The following SGK1 variants were observed in gnomAD, a reference collection of about 807,000 sequenced individuals.
SGK1 encodes serine/threonine-protein kinase Sgk1.
In SGK1, 26 loss-of-function variants were observed where a neutral mutation model predicts 64.2. The observed-to-expected ratio is 0.40, with a 90% CI of 0.30 to 0.56. The LOEUF is 0.56. Ranked by LOEUF, SGK1 falls within the 20% of genes least tolerant of loss-of-function variation. SGK1 has a pLI of 0.38. For missense variants in SGK1, 519 were observed against 645.6 expected (o/e 0.80, Z 2.12); for synonymous variants, 265 against 239.7 (o/e 1.11, Z -0.98).
chr6:134,218,133 TC>T (rs1776016445), intron 2 of SGK1, among the ~76,000 whole-genome samples: 1 of 152,130 alleles, frequency 6.6e-6, no homozygotes, highest in African/African-American at 2.4e-5. Flanking sequence ...TTTTATTAAT[TC>T]CCCCCTTGCA....
At chr6:134,220,783 A>G (rs1776077816) in intron 2 of SGK1, among the ~76,000 whole-genome samples, 1 of 152,156 alleles carries the variant, frequency 6.6e-6, no homozygotes, top group Non-Finnish European at 1.5e-5. Context: ...ATTTTTTGAT[A>G]GAAGCCTGGC....
chr6:134,303,051 A>G (rs1436488754), intron 1 of SGK1, among the ~76,000 whole-genome samples: 1 of 152,018 alleles, frequency 6.6e-6, no homozygotes. Context: ...CACCGTGCCC[A>G]GCCTGAGGTA....
At chr6:134,293,191 T>C (rs1415677689) in intron 1 of SGK1, among the ~76,000 whole-genome samples, 1 of 152,218 alleles carries the variant, frequency 6.6e-6, no homozygotes, top group Non-Finnish European at 1.5e-5. Context: ...TGTACAAATC[T>C]CACTATTACA....
At chr6:134,176,988 G>C (rs1775250191) in intron 3 of SGK1, among the ~76,000 whole-genome samples, 1 of 152,240 alleles carries the variant, frequency 6.6e-6, no homozygotes, top group South Asian at 2.1e-4. Flanking sequence ...GGCCAAGGCG[G>C]GCGGATCACG....
At chr6:134,256,340 G>A (rs1776683699) in intron 2 of SGK1, among the ~76,000 whole-genome samples, 1 of 151,998 alleles carries the variant, frequency 6.6e-6, no homozygotes, top group South Asian at 2.1e-4. Context: ...TTGTCTTCTA[G>A]CACAATTATA....
In SGK1 at chr6:134,262,017, T is replaced by C. The variant is rs368369372; in HGVS notation, c.201A>G (p.Thr67=). The C allele has an allele frequency of 6.2e-7, 1 of 1,613,918 alleles. No individual in the cohort carries two copies. The highest frequency in any genetic ancestry group is 1.1e-5 in the South Asian group (1 of 91,076). The change falls in exon 2 of 14, where the codon ACA becomes ACG. Residue 67 remains threonine (T), a synonymous_variant. Coordinates refer to ENST00000367858, the MANE Select transcript of SGK1 (RefSeq NM_001143676.3). The part of the protein sequence containing the change: ...EPDFESSLCQ[T]CLGEHAFQRG... ...TTTGGAAAGCATGTTCACCCAGGCA[T>C]GTTTGACACAAGGAAGACTCGAAGT...
chr6:134,220,131 TA>T (rs986764838), intron 2 of SGK1, among the ~76,000 whole-genome samples: 1 of 146,074 alleles, frequency 6.8e-6, no homozygotes, highest in African/African-American at 2.6e-5. Context: ...AATTATTAAG[TA>T]AAAATTATTT....
chr6:134,215,043 A>C (rs890716929), intron 2 of SGK1: 2 of 455,528 alleles, frequency 4.4e-6, no homozygotes, highest in Non-Finnish European at 8.8e-6. Context: ...GGGGTGTATG[A>C]GAATATCACA....
chr6:134,256,323 G>T (rs1776683367), intron 2 of SGK1, among the ~76,000 whole-genome samples: 2 of 151,864 alleles, frequency 1.3e-5, no homozygotes, highest in Non-Finnish European at 2.9e-5. Flanking sequence ...CTACACAATG[G>T]TATACTTTGT....
intron 2 of SGK1, among the ~76,000 whole-genome samples, chr6:134,208,781 T>G (rs1326476913): frequency 2.3e-4 from 35 of 150,560 alleles, no homozygotes; most frequent in Non-Finnish European, 4.1e-4. Context: ...TGTGTATATA[T>G]AGATATACAC....
chr6:134,181,629 G>A (rs1775332526), intron 3 of SGK1, among the ~76,000 whole-genome samples: 1 of 151,876 alleles, frequency 6.6e-6, no homozygotes, highest in African/African-American at 2.4e-5. Context: ...ACAGGCATAA[G>A]CCACCATGCC....
intron 3 of SGK1, chr6:134,174,879 G>A: frequency 6.2e-7 from 1 of 1,604,234 alleles, no homozygotes; most frequent in Non-Finnish European, 8.5e-7. Flanking sequence ...CAGGCCGCGC[G>A]CTCGGCCTTA....
Position 134,247,021 on chromosome 6 carries a change from A to G in SGK1, c.285+14912T>C, listed in dbSNP as rs7762007. 7.1e-3 allele frequency among the ~76,000 whole-genome samples: 1,072 copies of G among 151,508 alleles called. 17 individuals carry two copies. The highest frequency in any genetic ancestry group is 0.025 in the African/African-American group (1,046 of 41,286). ...GGCCAGTGATTTATTTTTTTTTTTA[A>G]TATTAGGTAATAGCAAGTAATATGC... On this transcript the variant is annotated intron_variant, in intron 2 of 13. Coordinates refer to ENST00000367858, the MANE Select transcript of SGK1 (RefSeq NM_001143676.3).
chr6:134,315,478 A>G (rs554065411), intron 1 of SGK1, among the ~76,000 whole-genome samples: 8 of 152,118 alleles, frequency 5.3e-5, no homozygotes, highest in South Asian at 4.1e-4. Context: ...AGAGTCACCA[A>G]CTGAAGTCTA....
intron 1 of SGK1, among the ~76,000 whole-genome samples, chr6:134,264,308 A>T (rs1316620740): frequency 7.3e-5 from 11 of 151,486 alleles, no homozygotes; most frequent in Admixed American, 7.2e-4. Context: ...TTTAGTAGAG[A>T]CCGGGTTTCA....
chr6:134,232,459 G>GAA (rs1219304582), intron 2 of SGK1, among the ~76,000 whole-genome samples: 1 of 43,198 alleles, frequency 2.3e-5, no homozygotes, highest in Non-Finnish European at 5.3e-5. Flanking sequence ...AAGAAAGAAA[G>GAA]AAAGAAAGAA....
intron 2 of SGK1, among the ~76,000 whole-genome samples, chr6:134,249,931 C>T (rs978364262): frequency 2.6e-5 from 4 of 152,182 alleles, no homozygotes; most frequent in African/African-American, 9.7e-5. Context: ...CAAGTTAATG[C>T]ATTTAACGTT....
At chr6:134,315,791 G>T (rs1394922346) in intron 1 of SGK1, among the ~76,000 whole-genome samples, 1 of 152,104 alleles carries the variant, frequency 6.6e-6, no homozygotes, top group African/African-American at 2.4e-5. Context: ...TGTAATCCCA[G>T]CAATTTGGGA....
intron 1 of SGK1, among the ~76,000 whole-genome samples, chr6:134,279,073 T>C (rs1042816055): frequency 6.6e-6 from 1 of 152,162 alleles, no homozygotes; most frequent in East Asian, 1.9e-4. Flanking sequence ...CTGGATGTGG[T>C]GGCATGCACC....
Sources: gnomAD v4.1 joint callset for allele counts (sites outside exome capture counted in the v4.1 genomes callset) on GRCh38, gnomAD v4.1.1 for gene constraint, MANE v1.5 for transcripts, NCBI Gene and HGNC (gene_info 2026-07-23, HGNC 2026-07-21) for gene names.